Variants in CHD7 observed in about 807,000 individuals in gnomAD.
CHD7 encodes the protein chromodomain helicase DNA binding protein 7.
A neutral mutation model predicts 307.3 loss-of-function variants in CHD7; 24 were observed. The ratio of observed to expected loss-of-function variants is 0.08; its 90% CI spans 0.06 to 0.11. The LOEUF is 0.11. CHD7 is among the 10% of genes least tolerant of loss of function. The probability of loss-of-function intolerance (pLI) is 1.00; values close to 1 mark genes in which losing one functional copy is unlikely to be tolerated. For synonymous variants in CHD7, 1,363 were observed against 1,349.9 expected, an observed-to-expected ratio of 1.01 and a Z score of -0.21; for missense variants, 3,106 against 3,727.1, an observed-to-expected ratio of 0.83 and a Z score of 4.34.
At chr8:60,734,349 A>AG (rs1375784017) in intron 1 of CHD7, among the ~76,000 whole-genome samples, 3 of 152,174 alleles carry the variant, frequency 2.0e-5, no homozygotes, top group Non-Finnish European at 4.4e-5. Flanking sequence ...CGGGGGTGCC[A>AG]GGGGTCCTGT....
chr8:60,840,069 G>C (rs1175485967), intron 19 of CHD7, among the ~76,000 whole-genome samples: 1 of 152,184 alleles, frequency 6.6e-6, no homozygotes, highest in Non-Finnish European at 1.5e-5. Context: ...TTAGCATAAT[G>C]TTATTCACTA....
chr8:60,711,993 A>T (rs912120755), intron 1 of CHD7, among the ~76,000 whole-genome samples: 1 of 152,226 alleles, frequency 6.6e-6, no homozygotes, highest in Non-Finnish European at 1.5e-5. Context: ...TTGATTCTGT[A>T]AGTTGGTGCA....
intron 4 of CHD7, among the ~76,000 whole-genome samples, chr8:60,800,071 T>C (rs1194733661): frequency 6.6e-6 from 1 of 151,992 alleles, no homozygotes; most frequent in Non-Finnish European, 1.5e-5. Flanking sequence ...TGCTCTGTCG[T>C]CCAGACTGCA....
At chr8:60,684,628 C>G (rs901490051) in intron 1 of CHD7, among the ~76,000 whole-genome samples, 3 of 152,052 alleles carry the variant, frequency 2.0e-5, no homozygotes, top group African/African-American at 7.2e-5. Context: ...CAGGCAGTGC[C>G]CCTCACCTGC....
intron 2 of CHD7, among the ~76,000 whole-genome samples, chr8:60,755,314 A>C (rs28429090): frequency 0.011 from 1,729 of 152,290 alleles, 26 homozygotes; most frequent in African/African-American, 0.039. Context: ...GTTTTTATCC[A>C]TAAAAAACAT....
intron 35 of CHD7, chr8:60,861,779 AC>A (rs1462970070): frequency 6.4e-6 from 1 of 155,686 alleles, no homozygotes; most frequent in African/African-American, 2.4e-5. Context: ...AAGTACCCCC[AC>A]CCCCTACAAG....
intron 2 of CHD7, among the ~76,000 whole-genome samples, chr8:60,769,769 C>G (rs1810629118): frequency 6.6e-6 from 1 of 152,144 alleles, no homozygotes; most frequent in Non-Finnish European, 1.5e-5. Context: ...ACTGTGACTT[C>G]AGTGATTCAA....
rs543244508 is a variant in CHD7, at chr8:60,721,010, A to G, written c.-174-20249A>G. Among the ~76,000 whole-genome samples the G allele has an allele frequency of 5.6e-4, 85 of 152,282 alleles. No individual in the cohort carries two copies. The South Asian group carries it at 0.016, about 28-fold the overall frequency. ...GCGGCTGCTGCTTTTCCAAGTGGACACTTTTCTCTTTGTCATTCCATGTCA... is the reference window on the plus strand; with the variant it reads ...GCGGCTGCTGCTTTTCCAAGTGGACGCTTTTCTCTTTGTCATTCCATGTCA... On this transcript the variant is annotated intron_variant, in intron 1 of 37. Transcript: ENST00000423902.
intron 3 of CHD7, among the ~76,000 whole-genome samples, chr8:60,783,551 G>T (rs1460888854): frequency 6.6e-6 from 1 of 152,120 alleles, no homozygotes; most frequent in Non-Finnish European, 1.5e-5. Flanking sequence ...CAAGCTTTTG[G>T]TAGGAAGAAA....
intron 1 of CHD7, among the ~76,000 whole-genome samples, chr8:60,710,506 A>T (rs903019256): frequency 6.6e-6 from 1 of 152,224 alleles, no homozygotes; most frequent in African/African-American, 2.4e-5. Context: ...AATTGATTTC[A>T]GGATTCAAAA....
intron 2 of CHD7, among the ~76,000 whole-genome samples, chr8:60,765,017 A>G (rs1380729487): frequency 6.6e-6 from 1 of 152,202 alleles, no homozygotes; most frequent in East Asian, 1.9e-4. Context: ...TTTAAGGTGT[A>G]AATGCACGAG....
chr8:60,773,979 A>G (rs1354477589), intron 2 of CHD7, among the ~76,000 whole-genome samples: 1 of 152,226 alleles, frequency 6.6e-6, no homozygotes, highest in Non-Finnish European at 1.5e-5. Context: ...TTTTTTAGCC[A>G]TCTTAACCTG....
chr8:60,848,580 A>C lies in CHD7; in HGVS notation c.5276A>C (p.Lys1759Thr). The change falls in exon 24 of 38, where the codon AAG (lysine) becomes ACG (threonine). Residue 1759 changes from lysine to threonine, a missense_variant. Around this residue, in one of 10 missense-constraint regions of CHD7, gnomAD observed 1,030 missense variants for 1,165.4 expected, o/e 0.88. Transcript: ENST00000423902. ...RQEVIGDQAD[K>T]ILEGADSSEA... The stretch of plus-strand genomic sequence containing the variant: ...GAAGTGATAGGAGACCAGGCGGATA[A>C]GATCTTAGAGGGTGCTGACTCAAGG... The C allele has an allele frequency of 6.2e-7, 1 of 1,613,542 alleles. No homozygotes were observed. The highest frequency in any genetic ancestry group is 8.5e-7 in the Non-Finnish European group (1 of 1,179,668).
intron 12 of CHD7, among the ~76,000 whole-genome samples, chr8:60,823,392 T>TAG (rs1316640150): frequency 2.2e-4 from 23 of 105,274 alleles, no homozygotes; most frequent in African/African-American, 6.5e-4. Context: ...GTTTTTGCTA[T>TAG]ATATAGATAG....
At chr8:60,801,402 C>A in intron 5 of CHD7, 126 bp from the exon 6 acceptor site, 1 of 663,448 alleles carries the variant, frequency 1.5e-6, no homozygotes, top group South Asian at 2.0e-5. Flanking sequence ...GTGTTTCTCA[C>A]TGATAACTTT....
In CHD7 at chr8:60,742,474, C is replaced by T; in HGVS notation, c.1042C>T (p.Pro348Ser). Residue 348 changes from proline to serine, a missense_variant, in exon 2 of 38, where the codon CCC becomes TCC. This residue lies in a region of CHD7 where 998 missense variants were observed against 1,004.5 expected (regional missense o/e 0.99). Coordinates refer to ENST00000423902, the MANE Select transcript of CHD7 (RefSeq NM_017780.4). Reference sequence around the variant, plus strand: ...AATGAATCAGTCCGTACCAAGATACCCCAATGCTGTAGGATTCCCATCAAA... The same window carrying T: ...AATGAATCAGTCCGTACCAAGATACTCCAATGCTGTAGGATTCCCATCAAA... ...TPMNQSVPRYPNAVGFPSNSG... is the reference protein window; with the variant it reads ...TPMNQSVPRYSNAVGFPSNSG... 1 of 1,613,916 alleles carries T rather than the reference C, an allele frequency of 6.2e-7. No homozygotes were observed. Among genetic ancestry groups the T allele is most frequent in the Non-Finnish European group, 8.5e-7 (1 of 1,179,850 alleles).
At chr8:60,687,880 G>C (rs1179406581) in intron 1 of CHD7, among the ~76,000 whole-genome samples, 2 of 152,204 alleles carry the variant, frequency 1.3e-5, no homozygotes, top group African/African-American at 4.8e-5. Context: ...TCCACAATCT[G>C]TGTACATAAG....
chr8:60,740,060 A>G (rs1409974324), intron 1 of CHD7, among the ~76,000 whole-genome samples: 3 of 152,262 alleles, frequency 2.0e-5, no homozygotes, highest in Non-Finnish European at 4.4e-5. Flanking sequence ...GTGTTCAACA[A>G]AAACACTTTC....
chr8:60,736,054 G>A (rs898600222), intron 1 of CHD7, among the ~76,000 whole-genome samples: 13 of 152,208 alleles, frequency 8.5e-5, no homozygotes, highest in Non-Finnish European at 1.9e-4. Flanking sequence ...GTCTTGGCCA[G>A]GAAGAAAATG....
Sources: gnomAD v4.1 joint callset for allele counts (sites outside exome capture counted in the v4.1 genomes callset) on GRCh38, gnomAD v4.1.1 for gene constraint, gnomAD v4.1.1 regional missense constraint, MANE v1.5 for transcripts, NCBI Gene and HGNC (gene_info 2026-07-23, HGNC 2026-07-21) for gene names.